The following NDUFAF8 variants were observed in gnomAD, a reference collection of about 807,000 sequenced individuals.
The protein encoded by NDUFAF8 is NADH dehydrogenase [ubiquinone] 1 alpha subcomplex assembly factor 8.
A neutral mutation model predicts 9.9 loss-of-function variants in NDUFAF8; 9 were observed. That is an observed-to-expected ratio of 0.91 (90% CI 0.55 to 1.59). NDUFAF8 has a LOEUF of 1.59. NDUFAF8 is among the 40% of genes most tolerant of loss of function. The pLI, the probability that NDUFAF8 is intolerant of heterozygous loss-of-function variation, is 0.00. For missense variants in NDUFAF8, 114 were observed against 113.8 expected, an observed-to-expected ratio of 1.00 and a Z score of -0.01; for synonymous variants, 63 against 51.2, an observed-to-expected ratio of 1.23 and a Z score of -0.98.
At chr17:81,239,972 G>T in intron 2 of NDUFAF8, 1 of 474,934 alleles carries the variant, frequency 2.1e-6, no homozygotes, top group Non-Finnish European at 3.8e-6. Flanking sequence ...ACTGCCGCCG[G>T]GGGGTGTCAT....
intron 2 of NDUFAF8, chr17:81,240,040 A>T: frequency 3.3e-6 from 1 of 301,408 alleles, no homozygotes. Context: ...CCGGGTCTTC[A>T]CCTCCCTGGC....
intron 2 of NDUFAF8, among the ~76,000 whole-genome samples, chr17:81,240,736 C>T (rs1308064695): frequency 6.6e-6 from 1 of 151,142 alleles, no homozygotes; most frequent in Non-Finnish European, 1.5e-5. Flanking sequence ...TGTGGCATCT[C>T]GTGGGGGCTC....
chr17:81,241,015 A>G lies in NDUFAF8; in HGVS notation c.224A>G (p.Ter75TrpextTer4). The G allele has an allele frequency of 6.2e-7, 1 of 1,613,230 alleles. No homozygotes were observed. The highest frequency in any genetic ancestry group is 8.5e-7 in the Non-Finnish European group (1 of 1,179,666). The change falls in exon 3 of 3, where the codon TAG becomes TGG. Residue 75 changes from the stop codon to tryptophan, a stop_lost. Coordinates refer to ENST00000431388, the MANE Select transcript of NDUFAF8 (RefSeq NM_001086521.2). ...AAGAAGACGCTGGAGGGAGGCTGTT[A>G]GGAGGGACTCTGAGCTTCACACCTG... ...AAKKTLEGGC[*>W]
chr17:81,239,556 T>C lies in NDUFAF8; in HGVS notation c.85-12T>C. ...CAGGGGACCCCACGACCCACGCCCG[T>C]CCTTTCCGCAGGCCGCGGCGTACGG... On this transcript the variant is annotated splice_polypyrimidine_tract_variant and intron_variant, in intron 1 of 2. Transcript: ENST00000431388. 1.3e-6 allele frequency: 2 copies of C among 1,527,148 alleles called. No homozygotes were observed. The highest frequency in any genetic ancestry group is 1.8e-6 in the Non-Finnish European group (2 of 1,141,094). The allele number at this position is 1,527,148 out of a possible 1,614,324, so 94.6% of individuals were successfully genotyped here. A position where few individuals can be genotyped will look rare whatever the true frequency, so the allele number is the denominator to read the frequency against.
chr17:81,241,258 A>T lies in NDUFAF8; in HGVS notation c.*242A>T. Reference sequence around the variant, plus strand: ...AGAATAAGATGTAACGGAAGCCACGATAAAGACTCGGTCAAATCCTGCAGC... The same window carrying T: ...AGAATAAGATGTAACGGAAGCCACGTTAAAGACTCGGTCAAATCCTGCAGC... On this transcript the variant is annotated 3_prime_UTR_variant, in exon 3 of 3. Coordinates refer to ENST00000431388, the MANE Select transcript of NDUFAF8 (RefSeq NM_001086521.2). 1 of 1,214,112 alleles carries T rather than the reference A, an allele frequency of 8.2e-7. No homozygotes were observed. The highest frequency in any genetic ancestry group is 1.1e-6 in the Non-Finnish European group (1 of 936,724). 75.2% of individuals were successfully genotyped at this position (1,214,112 alleles called of 1,614,324 possible).
intron 2 of NDUFAF8, chr17:81,240,298 T>C (rs2146863315): frequency 6.5e-6 from 1 of 154,542 alleles, no homozygotes; most frequent in South Asian, 1.9e-4. Context: ...AGAGAAAGGG[T>C]ATTTGAACAA....
chr17:81,239,585 G>A lies in NDUFAF8; in HGVS notation c.102G>A (p.Arg34=). The change falls in exon 2 of 3, where the codon AGG becomes AGA. Residue 34 remains arginine (R), a synonymous_variant. Transcript: ENST00000431388. ...TTCCGCAGGCCGCGGCGTACGGCAG[G>A]TGCGTGCAGGCCTCCACGGCCCCGG... ...ACGAEAAAYG[R]CVQASTAPGG... is the part of the protein sequence containing the mutation. The A allele has an allele frequency of 1.3e-6, 2 of 1,536,918 alleles. No homozygotes were observed. The highest frequency in any genetic ancestry group is 1.7e-6 in the Non-Finnish European group (2 of 1,145,480).
In NDUFAF8 at chr17:81,240,617, C is replaced by T. The variant is rs550636339; in HGVS notation, c.196-370C>T. Reference sequence around the variant, plus strand: ...CTGGGAGGTGGAGGTTGCAGTGAGCCGAGATCACGCTGCTGTACTCCAGCC... The same window carrying T: ...CTGGGAGGTGGAGGTTGCAGTGAGCTGAGATCACGCTGCTGTACTCCAGCC... On this transcript the variant is annotated intron_variant, in intron 2 of 2. Transcript: ENST00000431388. Among the ~76,000 whole-genome samples the T allele has an allele frequency of 4.3e-4, 65 of 149,916 alleles. 3 individuals are homozygous for T. Among genetic ancestry groups the T allele is most frequent in the African/African-American group, 1.3e-3 (52 of 40,562 alleles).
At position 81,239,406 on chromosome 17, in the gene NDUFAF8, C is replaced by T. The variant is rs1338384816; in HGVS notation, c.43C>T (p.Leu15Phe). 2.7e-5 allele frequency: 37 copies of T among 1,365,404 alleles called. No homozygotes were observed. The highest frequency in any genetic ancestry group is 3.3e-5 in the Non-Finnish European group (35 of 1,058,512). 84.6% of individuals were successfully genotyped at this position (1,365,404 alleles called of 1,614,324 possible). A position where few individuals can be genotyped will look rare whatever the true frequency, so the allele number is the denominator to read the frequency against. ...GGTGTGGGGCCGCGTGCGAAGCCGC[C>T]TCCGCGCCTTCCCCGAGCGGCTGGC... Reference protein sequence around the residue: ...GAVWGRVRSRLRAFPERLAAC... With the variant: ...GAVWGRVRSRFRAFPERLAAC... The change falls in exon 1 of 3, where the codon CTC becomes TTC. Residue 15 changes from leucine to phenylalanine, a missense_variant. Physicochemically the swap from Leu to Phe is conservative, Grantham distance 22. Transcript: ENST00000431388.
chr17:81,239,340 C>G lies in NDUFAF8; in HGVS notation c.-24C>G, dbSNP rs934887146. Reference sequence around the variant, plus strand: ...GAGGACGGACCTAAGATGGCGGCCTCCAGGGGGCTGGGAATAGCCGCTCAT... The same window carrying G: ...GAGGACGGACCTAAGATGGCGGCCTGCAGGGGGCTGGGAATAGCCGCTCAT... On this transcript the variant is annotated 5_prime_UTR_variant, in exon 1 of 3. Coordinates refer to ENST00000431388, the MANE Select transcript of NDUFAF8 (RefSeq NM_001086521.2). 7.3e-7 allele frequency: 1 copy of G among 1,367,856 alleles called. No homozygotes were observed. Among genetic ancestry groups the G allele is most frequent in the Non-Finnish European group, 9.4e-7 (1 of 1,060,198 alleles). The allele number at this position is 1,367,856 out of a possible 1,614,324, so 84.7% of individuals were successfully genotyped here.
chr17:81,239,614 G>T lies in NDUFAF8; in HGVS notation c.131G>T (p.Gly44Val). 1 of 1,539,482 alleles carries T rather than the reference G, an allele frequency of 6.5e-7. No homozygotes were observed. Among genetic ancestry groups the T allele is most frequent in the Non-Finnish European group, 8.7e-7 (1 of 1,146,352 alleles). The change falls in exon 2 of 3, where the codon GGC becomes GTC. Residue 44 changes from glycine (G) to valine (V), a missense_variant. Coordinates refer to ENST00000431388, the MANE Select transcript of NDUFAF8 (RefSeq NM_001086521.2). ...GTGCAGGCCTCCACGGCCCCGGGCG[G>T]CCGCCTGAGTAAGGACTTCTGCGCG... Reference protein sequence around the residue: ...RCVQASTAPGGRLSKDFCARE... With the variant: ...RCVQASTAPGVRLSKDFCARE...
At position 81,239,574 on chromosome 17, in the gene NDUFAF8, G is replaced by C; in HGVS notation, c.91G>C (p.Ala31Pro). The C allele has an allele frequency of 1.3e-6, 2 of 1,533,768 alleles. No individual in the cohort carries two copies. Among genetic ancestry groups the C allele is most frequent in the Non-Finnish European group, 1.7e-6 (2 of 1,144,058 alleles). ...RLAACGAEAA[A>P]YGRCVQASTA... Reference sequence around the variant, plus strand: ...ACGCCCGTCCTTTCCGCAGGCCGCGGCGTACGGCAGGTGCGTGCAGGCCTC... The same window carrying C: ...ACGCCCGTCCTTTCCGCAGGCCGCGCCGTACGGCAGGTGCGTGCAGGCCTC... Residue 31 changes from alanine to proline, a missense_variant, in exon 2 of 3, where the codon GCG becomes CCG. Coordinates refer to ENST00000431388, the MANE Select transcript of NDUFAF8 (RefSeq NM_001086521.2).
In NDUFAF8 at chr17:81,239,758, C is replaced by T. The variant is rs564183588; in HGVS notation, c.195+80C>T. The T allele has an allele frequency of 9.1e-6, 13 of 1,428,368 alleles. No individual in the cohort carries two copies. The African/African-American group carries it at 1.2e-4, about 13-fold the overall frequency. 88.5% of individuals were successfully genotyped at this position (1,428,368 alleles called of 1,614,324 possible). On this transcript the variant is annotated intron_variant, in intron 2 of 2. Transcript: ENST00000431388. Reference sequence around the variant, plus strand: ...GCGGGCCCCGGCTTTCCTTTGCTTTCCCGTTGGTTCAAGGTTTGAGCGCCT... The same window carrying T: ...GCGGGCCCCGGCTTTCCTTTGCTTTTCCGTTGGTTCAAGGTTTGAGCGCCT...
intron 2 of NDUFAF8, among the ~76,000 whole-genome samples, chr17:81,240,689 G>T (rs1220198567): frequency 6.6e-6 from 1 of 151,212 alleles, no homozygotes; most frequent in Non-Finnish European, 1.5e-5. Flanking sequence ...AAAGGGGGGG[G>T]GCTCCTGCTT....
chr17:81,239,355 T>C lies in NDUFAF8; in HGVS notation c.-9T>C, dbSNP rs2062787457. The stretch of plus-strand genomic sequence containing the variant: ...ATGGCGGCCTCCAGGGGGCTGGGAA[T>C]AGCCGCTCATGTCGGCTAACGGAGC... On this transcript the variant is annotated 5_prime_UTR_variant, in exon 1 of 3. Coordinates refer to ENST00000431388, the MANE Select transcript of NDUFAF8 (RefSeq NM_001086521.2). 2 of 1,365,294 alleles carry C rather than the reference T, an allele frequency of 1.5e-6. No individual in the cohort carries two copies. The highest frequency in any genetic ancestry group is 3.1e-5 in the East Asian group (1 of 32,230). The allele number at this position is 1,365,294 out of a possible 1,614,324, so 84.6% of individuals were successfully genotyped here.
intron 1 of NDUFAF8, 34 bp from the exon 2 acceptor site, chr17:81,239,534 G>A (rs1183054406): frequency 6.7e-7 from 1 of 1,488,760 alleles, no homozygotes; most frequent in Admixed American, 2.2e-5. Context: ...ACGGGGTCAG[G>A]GGACCCCACG....
intron 1 of NDUFAF8, 33 bp from the exon 2 acceptor site, chr17:81,239,530 TCAGGG>T: frequency 6.7e-7 from 1 of 1,482,170 alleles, no homozygotes; most frequent in Non-Finnish European, 8.9e-7. Context: ...GGTGACGGGG[TCAGGG>T]GACCCCACGA....
chr17:81,240,493 A>G lies in NDUFAF8; in HGVS notation c.196-494A>G, dbSNP rs566014151. ...TGAGACCAGCCTGGGCAACATATGG[A>G]GACCCCGTCTCTACAAAAAAAAAGA... On this transcript the variant is annotated intron_variant, in intron 2 of 2. Coordinates refer to ENST00000431388, the MANE Select transcript of NDUFAF8 (RefSeq NM_001086521.2). 132 of 154,052 alleles carry G rather than the reference A, an allele frequency of 8.6e-4. 1 individual carries two copies. Among genetic ancestry groups the G allele is most frequent in the Non-Finnish European group, 1.6e-3 (110 of 69,428 alleles). The allele number at this position is 154,052 out of a possible 1,614,324, so 9.5% of individuals were successfully genotyped here.
rs2062792476 is a variant in NDUFAF8, at chr17:81,239,627, G to A, written c.144G>A (p.Lys48=). ...ASTAPGGRLS[K]DFCAREFEAL... ...CGGCCCCGGGCGGCCGCCTGAGTAAGGACTTCTGCGCGCGGGAGTTCGAGG... is the reference window on the plus strand; with the variant it reads ...CGGCCCCGGGCGGCCGCCTGAGTAAAGACTTCTGCGCGCGGGAGTTCGAGG... Residue 48 remains lysine, a synonymous_variant, in exon 2 of 3, where the codon AAG becomes AAA. Transcript: ENST00000431388. 6.5e-7 allele frequency: 1 copy of A among 1,540,424 alleles called. No individual in the cohort carries two copies. Among genetic ancestry groups the A allele is most frequent in the South Asian group, 1.2e-5 (1 of 83,966 alleles).
Sources: gnomAD v4.1 joint callset for allele counts (sites outside exome capture counted in the v4.1 genomes callset) on GRCh38, gnomAD v4.1.1 for gene constraint, MANE v1.5 for transcripts, NCBI Gene and HGNC (gene_info 2026-07-23, HGNC 2026-07-21) for gene names.